Variants in DDHD2 observed in about 807,000 individuals in gnomAD.
DDHD2 encodes triacylglycerol hydrolase DDHD2.
A neutral mutation model predicts 91.2 loss-of-function variants in DDHD2; 62 were observed. The observed-to-expected ratio is 0.68, with a 90% CI of 0.55 to 0.84. The LOEUF (loss-of-function observed/expected upper bound fraction) is 0.84, where lower values mean the gene tolerates loss of function less well. DDHD2 is among the 40% of genes least tolerant of loss of function. The pLI is 0.00. For synonymous variants in DDHD2, 271 were observed against 293.9 expected, an observed-to-expected ratio of 0.92 and a Z score of 0.80; for missense variants, 740 against 846.9, an observed-to-expected ratio of 0.87 and a Z score of 1.57.
chr8:38,248,423 A>C (rs1293894527), intron 10 of DDHD2, among the ~76,000 whole-genome samples: 4 of 149,368 alleles, frequency 2.7e-5, no homozygotes. Context: ...TTTGTGATAC[A>C]TTCACTCATT....
chr8:38,238,849 T>A (rs768050542), intron 5 of DDHD2: 2 of 346,696 alleles, frequency 5.8e-6, no homozygotes, highest in Middle Eastern at 1.4e-3. Context: ...GAAATACACA[T>A]TATGGTATTA....
At chr8:38,242,950 C>T (rs1352626648) in intron 7 of DDHD2, among the ~76,000 whole-genome samples, 1 of 152,124 alleles carries the variant, frequency 6.6e-6, no homozygotes, top group East Asian at 1.9e-4. Context: ...CTATGGGGCT[C>T]TCCAGCAAGT....
chr8:38,259,186 G>A (rs1806769356), intron 16 of DDHD2, among the ~76,000 whole-genome samples: 1 of 150,952 alleles, frequency 6.6e-6, no homozygotes, highest in African/African-American at 2.4e-5. Flanking sequence ...GATCTCTGTG[G>A]AAAAGGAACA....
At chr8:38,269,381 G>A (rs1808340558) in intron 1 of DDHD2, 1 of 607,578 alleles carries the variant, frequency 1.6e-6, no homozygotes, top group Non-Finnish European at 2.6e-6. Context: ...CAGCGGAGCT[G>A]CCCTCTGGTG....
chr8:38,258,149 A>G (rs921456195), intron 16 of DDHD2, among the ~76,000 whole-genome samples: 4 of 151,916 alleles, frequency 2.6e-5, no homozygotes, highest in Non-Finnish European at 5.9e-5. Flanking sequence ...CTAATATTTT[A>G]TATCTAATTT....
At chr8:38,266,175 C>T (rs1299914838), downstream of DDHD2, 2 of 1,613,968 alleles carry the variant, frequency 1.2e-6, no homozygotes, top group African/African-American at 1.3e-5. Context: ...ATGTGCGGGA[C>T]AGTGCAATCA....
At chr8:38,235,873 G>GCACGCACA (rs1554511692) in intron 3 of DDHD2, among the ~76,000 whole-genome samples, 3 of 147,780 alleles carry the variant, frequency 2.0e-5, no homozygotes, top group African/African-American at 7.5e-5. Flanking sequence ...AAGTACACGC[G>GCACGCACA]CACACACACA....
At chr8:38,244,656 C>T (rs1805487989) in intron 7 of DDHD2, among the ~76,000 whole-genome samples, 1 of 152,086 alleles carries the variant, frequency 6.6e-6, no homozygotes, top group Non-Finnish European at 1.5e-5. Flanking sequence ...ACTTCCGCCT[C>T]CTGGGTTCAT....
intron 13 of DDHD2, 89 bp downstream of exon 13, chr8:38,252,376 T>G (rs1806178031): frequency 6.9e-7 from 1 of 1,447,508 alleles, no homozygotes; most frequent in Non-Finnish European, 9.3e-7. Flanking sequence ...TGATTTTTTT[T>G]TCCTATTCCA....
At position 38,247,797 on chromosome 8, in the gene DDHD2, G is replaced by T. The variant is rs1434976446; in HGVS notation, c.1210G>T (p.Asp404Tyr). ...GAAACTTCAGCTCTCTGAATTCTTT[G>T]ATATCTTTGAGAAGGAGAAAGTAGA... ...LKKLQLSEFF[D>Y]IFEKEKVDKE... is the part of the protein sequence containing the mutation. The change falls in exon 10 of 18, where the codon GAT (aspartate) becomes TAT (tyrosine). Residue 404 changes from aspartate (D) to tyrosine (Y), a missense_variant. Physicochemically the swap from Asp to Tyr is radical, Grantham distance 160. Around this residue, in one of 2 missense-constraint regions of DDHD2, gnomAD observed 693 missense variants for 764.2 expected, o/e 0.91. Transcript: ENST00000397166. 6.3e-7 allele frequency: 1 copy of T among 1,586,182 alleles called. No individual in the cohort carries two copies.
chr8:38,267,002 T>A, downstream of DDHD2: 1 of 1,343,890 alleles, frequency 7.4e-7, no homozygotes, highest in South Asian at 1.8e-5. Flanking sequence ...GTATTTTTAT[T>A]GCTAGTACAA....
chr8:38,252,059 C>G, intron 12 of DDHD2, 31 bp downstream of exon 12: 1 of 1,612,104 alleles, frequency 6.2e-7, no homozygotes, highest in Non-Finnish European at 8.5e-7. Flanking sequence ...ATTTTACAGC[C>G]TGCTATTTGT....
chr8:38,244,293 C>T lies in DDHD2; in HGVS notation c.849-1449C>T, dbSNP rs1329370884. Among the ~76,000 whole-genome samples, 9 of 150,306 alleles carry T rather than the reference C, an allele frequency of 6.0e-5. No individual in the cohort carries two copies. The South Asian group carries it at 1.5e-3, about 25-fold the overall frequency. On this transcript the variant is annotated intron_variant, in intron 7 of 17. Transcript: ENST00000397166. ...TTATTTTATTTTTGAGATGGAGTGT[C>T]GCTCTGTCACCCAGGCTGGAGTGCA... is the stretch of plus-strand genomic sequence containing the variant.
chr8:38,246,324 T>A, intron 9 of DDHD2, 24 bp downstream of exon 9: 1 of 1,557,058 alleles, frequency 6.4e-7, no homozygotes, highest in Non-Finnish European at 8.8e-7. Context: ...TCAGCTAGGT[T>A]TTCTTGTAGT....
intron 16 of DDHD2, among the ~76,000 whole-genome samples, chr8:38,254,032 C>T (rs998513464): frequency 6.6e-6 from 1 of 151,284 alleles, no homozygotes; most frequent in African/African-American, 2.4e-5. Flanking sequence ...GCCATGATCA[C>T]ACCACTGCAC....
In DDHD2 at chr8:38,268,906, C is replaced by G. The variant is rs1264965179; in HGVS notation, n.88-2216C>G. ...CAAACATCGGCTTGGTGGGGAAATA[C>G]TCCGCCTCCACGTAGGGGTTCCGGT... is the stretch of plus-strand genomic sequence containing the variant. On this transcript the variant is annotated intron_variant and non_coding_transcript_variant, in intron 1 of 1. Transcript: ENST00000526071. The G allele has an allele frequency of 1.9e-6, 3 of 1,557,142 alleles. No homozygotes were observed. The East Asian group carries it at 7.1e-5, about 37-fold the overall frequency.
At chr8:38,267,885 G>C (rs746054374) in intron 1 of DDHD2, 1 of 1,613,786 alleles carries the variant, frequency 6.2e-7, no homozygotes, top group African/African-American at 1.3e-5. Context: ...GTGGTTAGCT[G>C]TTGTCACTTA....
At chr8:38,240,863 G>A (rs1412289700) in intron 6 of DDHD2, among the ~76,000 whole-genome samples, 1 of 152,134 alleles carries the variant, frequency 6.6e-6, no homozygotes, top group Non-Finnish European at 1.5e-5. Context: ...ATGAGGTCAC[G>A]AGTTCAAGAC....
At position 38,253,609 on chromosome 8, in the gene DDHD2, A is replaced by G. The variant is rs1434641285; in HGVS notation, c.1945A>G (p.Asn649Asp). 1 of 1,614,024 alleles carries G rather than the reference A, an allele frequency of 6.2e-7. No homozygotes were observed. Among genetic ancestry groups the G allele is most frequent in the Non-Finnish European group, 8.5e-7 (1 of 1,179,980 alleles). The change falls in exon 16 of 18, where the codon AAT (asparagine) becomes GAT (aspartate). Residue 649 changes from asparagine (N) to aspartate (D), a missense_variant. Physicochemically the swap from Asn to Asp is conservative, Grantham distance 23. Transcript: ENST00000397166. ...VAVKEEVLPINVGMLNGGQRI... is the reference protein window; with the variant it reads ...VAVKEEVLPIDVGMLNGGQRI... The stretch of plus-strand genomic sequence containing the variant: ...AGTTAAAGAAGAAGTCCTGCCTATC[A>G]ATGTGGGGATGCTGAATGGAGGCCA...
Sources: allele counts gnomAD v4.1 joint callset (sites outside exome capture counted in the v4.1 genomes callset), GRCh38; gene constraint gnomAD v4.1.1; regional missense constraint gnomAD v4.1.1; transcripts MANE v1.5; gene names NCBI Gene and HGNC (gene_info 2026-07-23, HGNC 2026-07-21).